The following ARMC3 variants were observed in gnomAD, a reference collection of about 807,000 sequenced individuals.
ARMC3 encodes armadillo repeat containing 3.
Under a neutral mutation model 90.3 loss-of-function variants are expected in ARMC3, and 74 were observed. The observed-to-expected ratio is 0.82, with a 90% CI of 0.68 to 0.99. The LOEUF is 0.99. Among genes scored for constraint, ARMC3 ranks in the 50% least tolerant of loss-of-function variants. The pLI, the probability that ARMC3 is intolerant of heterozygous loss-of-function variation, is 0.00. For missense variants in ARMC3, 958 were observed against 1,042.8 expected (o/e 0.92, Z 1.12); for synonymous variants, 334 against 361.8 (o/e 0.92, Z 0.87).
At chr10:22,972,114 AAC>A (rs1428846579) in intron 8 of ARMC3, among the ~76,000 whole-genome samples, 1 of 152,196 alleles carries the variant, frequency 6.6e-6, no homozygotes, top group Non-Finnish European at 1.5e-5. Flanking sequence ...ATTATTTGAA[AAC>A]AGTTTCTCCC....
At chr10:22,953,729 T>C (rs1290735666) in intron 3 of ARMC3, among the ~76,000 whole-genome samples, 1 of 152,202 alleles carries the variant, frequency 6.6e-6, no homozygotes, top group Non-Finnish European at 1.5e-5. Flanking sequence ...AAATTTGTAG[T>C]TAAAAACTTT....
At chr10:22,984,018 T>C (rs1836300636) in intron 10 of ARMC3, among the ~76,000 whole-genome samples, 1 of 152,154 alleles carries the variant, frequency 6.6e-6, no homozygotes, top group Non-Finnish European at 1.5e-5. Context: ...GAATCAAGGT[T>C]TTCTAATTAT....
intron 2 of ARMC3, 66 bp from the exon 3 acceptor site, chr10:22,946,078 C>T (rs1834514636): frequency 8.8e-7 from 1 of 1,135,126 alleles, no homozygotes; most frequent in African/African-American, 1.6e-5. Flanking sequence ...TTTTAAGACC[C>T]ATTCATTTTT....
At chr10:22,930,864 A>G (rs1190798286) in intron 1 of ARMC3, among the ~76,000 whole-genome samples, 3 of 152,300 alleles carry the variant, frequency 2.0e-5, no homozygotes, top group Admixed American at 1.3e-4. Context: ...ATAATTCCAC[A>G]AACTCTCACT....
At chr10:22,960,351 G>A (rs540258290) in intron 6 of ARMC3, 2 of 153,098 alleles carry the variant, frequency 1.3e-5, no homozygotes, top group South Asian at 2.1e-4. Context: ...GAGTGAAGAA[G>A]AGGATTAATG....
intron 18 of ARMC3, among the ~76,000 whole-genome samples, chr10:23,034,668 C>T (rs565306503): frequency 2.6e-5 from 4 of 152,262 alleles, no homozygotes; most frequent in East Asian, 1.9e-4. Context: ...ATCTGGCTTT[C>T]GCTCCCACTC....
At chr10:22,979,911 C>T (rs1836108951) in intron 8 of ARMC3, among the ~76,000 whole-genome samples, 1 of 152,022 alleles carries the variant, frequency 6.6e-6, no homozygotes, top group African/African-American at 2.4e-5. Flanking sequence ...TTAGCCTGTG[C>T]CAGTTGTGGC....
intron 17 of ARMC3, 111 bp from the exon 18 acceptor site, chr10:23,032,750 A>G (rs1838963583): frequency 8.4e-7 from 1 of 1,189,420 alleles, no homozygotes; most frequent in Non-Finnish European, 1.2e-6. Context: ...AAGCACAACA[A>G]AAATCACAGC....
chr10:23,014,696 A>C (rs1362938156), intron 16 of ARMC3, among the ~76,000 whole-genome samples: 1 of 152,138 alleles, frequency 6.6e-6, no homozygotes. Context: ...AAACTGATGT[A>C]GGAACAGAAA....
chr10:22,979,534 T>G (rs1836094007), intron 8 of ARMC3, among the ~76,000 whole-genome samples: 1 of 152,176 alleles, frequency 6.6e-6, no homozygotes, highest in Non-Finnish European at 1.5e-5. Context: ...CAAAGTTCGT[T>G]TTTTCAAATT....
At chr10:22,986,709 A>G (rs1042456782) in intron 10 of ARMC3, among the ~76,000 whole-genome samples, 10 of 152,148 alleles carry the variant, frequency 6.6e-5, no homozygotes, top group Non-Finnish European at 5.9e-5. Flanking sequence ...ACAGAAAGCA[A>G]TCATCAGTGT....
intron 16 of ARMC3, among the ~76,000 whole-genome samples, chr10:23,012,913 A>C (rs1838087701): frequency 7.2e-6 from 1 of 139,710 alleles, no homozygotes; most frequent in African/African-American, 2.8e-5. Context: ...TTTTTGAGAC[A>C]GAGTCTCACT....
rs774009631 is a variant in ARMC3, at chr10:22,959,407, G to A, written c.370G>A (p.Val124Ile). The change falls in exon 6 of 19, where the codon GTT (valine) becomes ATT (isoleucine). Residue 124 changes from valine to isoleucine, a missense_variant. Coordinates refer to ENST00000298032, the MANE Select transcript of ARMC3 (RefSeq NM_173081.5). ...TTATTTTTGATACACAGAAGAAGTAGTTATCCATGAGTTTGCTAGTCTTTG... is the reference window on the plus strand; with the variant it reads ...TTATTTTTGATACACAGAAGAAGTAATTATCCATGAGTTTGCTAGTCTTTG... Reference protein sequence around the residue: ...IAQLAPEEEVVIHEFASLCLA... With the variant: ...IAQLAPEEEVIIHEFASLCLA... 3.1e-6 allele frequency: 5 copies of A among 1,602,748 alleles called. No individual in the cohort carries two copies. Among genetic ancestry groups the A allele is most frequent in the Non-Finnish European group, 4.2e-6 (5 of 1,176,734 alleles).
At chr10:22,970,655 G>T (rs1030937370) in intron 8 of ARMC3, among the ~76,000 whole-genome samples, 1 of 152,172 alleles carries the variant, frequency 6.6e-6, no homozygotes, top group Non-Finnish European at 1.5e-5. Flanking sequence ...ACAGAGATGC[G>T]GTGTTCAGGA....
rs369828455 is a variant in ARMC3 at position 22,965,277 on chromosome 10, T to G, written c.733-3029T>G. Among the ~76,000 whole-genome samples the G allele has an allele frequency of 5.8e-4, 89 of 152,370 alleles. No individual in the cohort carries two copies. The South Asian group carries it at 0.018, about 30-fold the overall frequency. Reference sequence around the variant, plus strand: ...ATAAATTCTGTCTTTTAAATTTATCTGGAAGTTGCTTCCTTTTGCCTTTAA... The same window carrying G: ...ATAAATTCTGTCTTTTAAATTTATCGGGAAGTTGCTTCCTTTTGCCTTTAA... On this transcript the variant is annotated intron_variant, in intron 7 of 18. Transcript: ENST00000298032.
At chr10:22,986,573 AAAAAC>A (rs1836459869) in intron 10 of ARMC3, among the ~76,000 whole-genome samples, 2 of 146,424 alleles carry the variant, frequency 1.4e-5, no homozygotes, top group African/African-American at 5.1e-5. Context: ...CAAAAAAAAA[AAAAAC>A]AAACCCAAAA....
intron 16 of ARMC3, among the ~76,000 whole-genome samples, chr10:23,029,943 T>TTCA (rs1226359874): frequency 3.3e-5 from 5 of 152,182 alleles, no homozygotes; most frequent in African/African-American, 4.8e-5. Flanking sequence ...AGGTCTTAAC[T>TTCA]GAAGTAACAG....
At chr10:22,929,272 GAGAGAGAGAGAA>G (rs770928997) in intron 1 of ARMC3, among the ~76,000 whole-genome samples, 187 of 149,100 alleles carry the variant, frequency 1.3e-3, no homozygotes, top group Non-Finnish European at 1.9e-3. Context: ...GAGAGGGAGA[GAGAGAGAGAGAA>G]AGAGAGAGAG....
chr10:23,014,978 A>C (rs1838212616), intron 16 of ARMC3, among the ~76,000 whole-genome samples: 1 of 152,066 alleles, frequency 6.6e-6, no homozygotes, highest in East Asian at 1.9e-4. Flanking sequence ...AAAAGTTAAA[A>C]AAAAATTTAA....
Sources: gnomAD v4.1 joint callset for allele counts (sites outside exome capture counted in the v4.1 genomes callset) on GRCh38, gnomAD v4.1.1 for gene constraint, MANE v1.5 for transcripts, NCBI Gene and HGNC (gene_info 2026-07-23, HGNC 2026-07-21) for gene names.